Variants in NHERF1 observed in about 807,000 individuals in gnomAD.
The protein encoded by NHERF1 is Na(+)/H(+) exchange regulatory cofactor NHE-RF1.
the NHERF1 span, chr17:74,767,903 A>G: frequency 1.1e-5 from 7 of 631,046 alleles, no homozygotes; most frequent in African/African-American, 3.6e-5. Context: ...AGCTAATCCC[A>G]TGATGGTCTG....
At chr17:74,762,586 G>T in the NHERF1 span, among the ~76,000 whole-genome samples, 1 of 149,602 alleles carries the variant, frequency 6.7e-6, no homozygotes, top group Non-Finnish European at 1.5e-5. The surrounding 1 kb of genome is among the most constrained non-coding windows in gnomAD (Gnocchi z 4.2). Flanking sequence ...ATGGAGTCTC[G>T]CTTTGTTGCC....
the NHERF1 span, among the ~76,000 whole-genome samples, chr17:74,754,740 A>G: frequency 6.6e-6 from 1 of 152,048 alleles, no homozygotes; most frequent in African/African-American, 2.4e-5. Flanking sequence ...CGGTCTCCCA[A>G]AGTGCTGGGA....
the NHERF1 span, among the ~76,000 whole-genome samples, chr17:74,765,644 T>G: frequency 6.6e-6 from 1 of 151,408 alleles, no homozygotes; most frequent in Admixed American, 6.6e-5. Flanking sequence ...CTCCACCTCC[T>G]GGGTTCAAGC....
At chr17:74,768,025 G>A in the NHERF1 span, 1 of 793,814 alleles carries the variant, frequency 1.3e-6, no homozygotes, top group South Asian at 1.4e-5. Flanking sequence ...AGGGGTGGGT[G>A]GCCAGGGCAT....
the NHERF1 span, among the ~76,000 whole-genome samples, chr17:74,751,461 T>A: frequency 6.6e-6 from 1 of 152,186 alleles, no homozygotes; most frequent in Non-Finnish European, 1.5e-5. This position sits in a 1 kb window ranked among gnomAD's most constrained non-coding sequence, Gnocchi z 4.3. Context: ...TACTAAGTGA[T>A]GATATCAGTG....
the NHERF1 span, among the ~76,000 whole-genome samples, chr17:74,764,953 A>ATC: frequency 2.6e-5 from 4 of 152,176 alleles, no homozygotes; most frequent in African/African-American, 9.7e-5. This position sits in a 1 kb window ranked among gnomAD's most constrained non-coding sequence, Gnocchi z 4.9. Flanking sequence ...AGAGTCAGGT[A>ATC]TCTCTGGCTG....
chr17:74,768,136 C>G, the NHERF1 span: 114 of 1,598,316 alleles, frequency 7.1e-5, no homozygotes, highest in African/African-American at 1.4e-3. Flanking sequence ...CAACCCTCTC[C>G]TCTCTGCCAG....
At chr17:74,754,631 A>T in the NHERF1 span, among the ~76,000 whole-genome samples, 1 of 151,800 alleles carries the variant, frequency 6.6e-6, no homozygotes, top group Non-Finnish European at 1.5e-5. Flanking sequence ...GGCACCTGTC[A>T]CAACACCCTG....
chr17:74,763,281 G>C, the NHERF1 span: 1 of 1,357,564 alleles, frequency 7.4e-7, no homozygotes, highest in Non-Finnish European at 1.0e-6. Flanking sequence ...AACCAAGGTG[G>C]TCACCCCTGC....
chr17:74,767,331 G>T, the NHERF1 span, among the ~76,000 whole-genome samples: 1 of 152,172 alleles, frequency 6.6e-6, no homozygotes, highest in African/African-American at 2.4e-5. Flanking sequence ...TTCTAGTCTG[G>T]GTTGGAAGAA....
the NHERF1 span, among the ~76,000 whole-genome samples, chr17:74,763,790 C>G: frequency 2.6e-5 from 4 of 152,336 alleles, no homozygotes; most frequent in Non-Finnish European, 5.9e-5. Context: ...TTCTTATTCC[C>G]GGCCAAAGCT....
the NHERF1 span, among the ~76,000 whole-genome samples, chr17:74,759,028 G>T: frequency 1.3e-5 from 2 of 152,186 alleles, no homozygotes; most frequent in Non-Finnish European, 2.9e-5. Flanking sequence ...GCTAGGGAGG[G>T]GTGAGGAGGA....
the NHERF1 span, chr17:74,763,315 G>A: frequency 7.1e-5 from 112 of 1,572,562 alleles, no homozygotes; most frequent in Non-Finnish European, 9.3e-5. Context: ...CCACTTACCT[G>A]CCCCAGAACC....
chr17:74,758,506 T>G, the NHERF1 span, among the ~76,000 whole-genome samples: 1 of 152,228 alleles, frequency 6.6e-6, no homozygotes, highest in African/African-American at 2.4e-5. The surrounding 1 kb of genome is among the most constrained non-coding windows in gnomAD (Gnocchi z 4.3). Context: ...CTGTTGATTC[T>G]GGCTCTCTGC....
the NHERF1 span, chr17:74,762,233 C>G: frequency 1.4e-6 from 2 of 1,411,112 alleles, no homozygotes; most frequent in Non-Finnish European, 9.5e-7. The surrounding 1 kb of genome is among the most constrained non-coding windows in gnomAD (Gnocchi z 4.2). Context: ...TCAGCAGCAC[C>G]TGGGGCAGCC....
chr17:74,752,077 A>G, the NHERF1 span, among the ~76,000 whole-genome samples: 2 of 152,172 alleles, frequency 1.3e-5, no homozygotes, highest in Non-Finnish European at 2.9e-5. Context: ...TAGTTGGGCA[A>G]ATGCCACTGT....
At chr17:74,754,399 C>CTT in the NHERF1 span, among the ~76,000 whole-genome samples, 15 of 59,682 alleles carry the variant, frequency 2.5e-4, no homozygotes, top group African/African-American at 5.5e-4. Context: ...TTCTTTCTTT[C>CTT]TTTTTTTTTT....
At chr17:74,762,075 C>T in the NHERF1 span, 1 of 1,613,968 alleles carries the variant, frequency 6.2e-7, no homozygotes, top group African/African-American at 1.3e-5. The surrounding 1 kb of genome is among the most constrained non-coding windows in gnomAD (Gnocchi z 4.2). Flanking sequence ...CTTCAACCTG[C>T]ACAGCGACAA....
chr17:74,755,956 GTTTT>G, the NHERF1 span, among the ~76,000 whole-genome samples: 1 of 141,602 alleles, frequency 7.1e-6, no homozygotes. Flanking sequence ...TATTTTTCCT[GTTTT>G]TTTTTTTTTT....
Sources: allele counts gnomAD v4.1 joint callset (sites outside exome capture counted in the v4.1 genomes callset), GRCh38; gene constraint gnomAD v4.1.1; non-coding constraint Gnocchi (gnomAD v3.1); transcripts MANE v1.5; gene names NCBI Gene and HGNC (gene_info 2026-07-23, HGNC 2026-07-21).